The following YAP1 variants were observed in gnomAD, a reference collection of about 807,000 sequenced individuals.
YAP1 encodes Yes1 associated transcriptional regulator.
A neutral mutation model predicts 56.9 loss-of-function variants in YAP1; 5 were observed. That is an observed-to-expected ratio of 0.09 (90% CI 0.05 to 0.18). The LOEUF (loss-of-function observed/expected upper bound fraction) is 0.18. Among genes scored for constraint, YAP1 ranks in the 10% least tolerant of loss-of-function variants. The pLI is 1.00. For missense variants in YAP1, 539 were observed against 651.8 expected (o/e 0.83, Z 1.88); for synonymous variants, 265 against 248.1 (o/e 1.07, Z -0.64).
intron 2 of YAP1, among the ~76,000 whole-genome samples, chr11:102,151,591 T>C (rs964335794): frequency 1.3e-5 from 2 of 152,248 alleles, no homozygotes; most frequent in African/African-American, 4.8e-5. Context: ...TGTATCTTTA[T>C]GGATCTTTCC....
chr11:102,139,375 TG>T (rs1944871806), intron 2 of YAP1, among the ~76,000 whole-genome samples: 1 of 152,164 alleles, frequency 6.6e-6, no homozygotes. Context: ...GCAAAGTTGC[TG>T]AGCAAGTCCG....
chr11:102,219,413 G>A (rs1057244687), intron 6 of YAP1, among the ~76,000 whole-genome samples: 4 of 152,094 alleles, frequency 2.6e-5, no homozygotes, highest in Non-Finnish European at 4.4e-5. Context: ...TCTCAAGATC[G>A]AGATGGGATC....
chr11:102,167,780 A>G (rs1431206002), intron 3 of YAP1, among the ~76,000 whole-genome samples: 3 of 152,110 alleles, frequency 2.0e-5, no homozygotes, highest in Non-Finnish European at 4.4e-5. Context: ...GTTCATGCCT[A>G]TAATCCGAGC....
rs372083709 is a variant in YAP1, at chr11:102,174,116, G to A, written c.688+11545G>A. ...TGCTGGTTAAAGGAGTGCACAAATA[G>A]AATACTGTTGAATGGCTTAAACTTA... is the stretch of plus-strand genomic sequence containing the variant. On this transcript the variant is annotated intron_variant, in intron 3 of 8. Transcript: ENST00000282441. 2.6e-5 allele frequency among the ~76,000 whole-genome samples: 4 copies of A among 152,260 alleles called. No individual in the cohort carries two copies. In the East Asian group the frequency reaches 7.7e-4, roughly 29 times the overall value.
At chr11:102,206,649 C>T (rs1422944139) in intron 5 of YAP1, among the ~76,000 whole-genome samples, 1 of 152,124 alleles carries the variant, frequency 6.6e-6, no homozygotes, top group African/African-American at 2.4e-5. Context: ...TCAAGACAAG[C>T]CTGGCCAACT....
chr11:102,136,789 C>A (rs1399186686), intron 2 of YAP1, among the ~76,000 whole-genome samples: 2 of 152,146 alleles, frequency 1.3e-5, no homozygotes, highest in East Asian at 3.9e-4. Flanking sequence ...AAGTTCACTC[C>A]TCACTGATTA....
chr11:102,170,487 C>G (rs1946840928), intron 3 of YAP1, among the ~76,000 whole-genome samples: 1 of 151,990 alleles, frequency 6.6e-6, no homozygotes, highest in Non-Finnish European at 1.5e-5. Context: ...GTAATTCTTT[C>G]CTGTCCTCTT....
intron 2 of YAP1, among the ~76,000 whole-genome samples, chr11:102,116,336 T>C (rs1454135686): frequency 3.3e-5 from 5 of 152,206 alleles, no homozygotes; most frequent in Non-Finnish European, 5.9e-5. Flanking sequence ...TATGCAAATA[T>C]TATGCCACCT....
At position 102,140,531 on chromosome 11, in the gene YAP1, A is replaced by G. The variant is rs114091675; in HGVS notation, c.573-21925A>G. 6.2e-3 allele frequency among the ~76,000 whole-genome samples: 937 copies of G among 152,308 alleles called. 10 individuals carry two copies. The highest frequency in any genetic ancestry group is 0.022 in the African/African-American group (895 of 41,566). ...ACAGTGTCATTAAAGGATGTCCCCCAGATTACTAGGCCTTTTAAAAATGAC... is the reference window on the plus strand; with the variant it reads ...ACAGTGTCATTAAAGGATGTCCCCCGGATTACTAGGCCTTTTAAAAATGAC... On this transcript the variant is annotated intron_variant, in intron 2 of 8. Transcript: ENST00000282441.
chr11:102,227,659 A>C lies in YAP1; in HGVS notation c.1276+78A>C. ...TCACCAGGTCTCATAAGGTATTGTA[A>C]GCAAAGATGATTCAGAAGAAAACCA... On this transcript the variant is annotated intron_variant, in intron 8 of 8. Coordinates refer to ENST00000282441, the MANE Select transcript of YAP1 (RefSeq NM_001130145.3). 3.1e-6 allele frequency: 3 copies of C among 952,626 alleles called. No homozygotes were observed. The Admixed American group carries it at 6.3e-5, about 20-fold the overall frequency. 59.0% of individuals were successfully genotyped at this position (952,626 alleles called of 1,614,324 possible).
At chr11:102,199,471 G>A (rs961719409) in intron 4 of YAP1, among the ~76,000 whole-genome samples, 12 of 152,026 alleles carry the variant, frequency 7.9e-5, no homozygotes, top group African/African-American at 2.9e-4. Context: ...TAACCTATAA[G>A]GATGAAAGTT....
intron 2 of YAP1, among the ~76,000 whole-genome samples, chr11:102,132,597 TG>T (rs1418410310): frequency 6.6e-6 from 1 of 152,242 alleles, no homozygotes; most frequent in Non-Finnish European, 1.5e-5. Flanking sequence ...GTTTTGATGT[TG>T]GCACCTGTTT....
rs566869046 is a variant in YAP1, at chr11:102,225,306, C to T, written c.1163+1554C>T. On this transcript the variant is annotated intron_variant, in intron 7 of 8. Coordinates refer to ENST00000282441, the MANE Select transcript of YAP1 (RefSeq NM_001130145.3). ...TTCGAGACCAGCCTGACCAACATGG[C>T]GAAACCCCATCTTTACTAAAAATAC... Among the ~76,000 whole-genome samples the T allele has an allele frequency of 1.9e-3, 282 of 152,070 alleles. 9 individuals carry two copies. The South Asian group carries it at 0.055, about 29-fold the overall frequency.
At position 102,206,050 on chromosome 11, in the gene YAP1, G is replaced by A. The variant is rs1949105192; in HGVS notation, c.960G>A (p.Leu320=). ...AGATGGAGAAGGAGAGGCTGCGGCT[G>A]AAACAGCAAGAACTGCTTCGGCAGG... is the stretch of plus-strand genomic sequence containing the variant. ...QLQMEKERLR[L]KQQELLRQAM... Residue 320 remains leucine (L), a synonymous_variant, in exon 5 of 9, where the codon CTG becomes CTA. Coordinates refer to ENST00000282441, the MANE Select transcript of YAP1 (RefSeq NM_001130145.3). 1.2e-5 allele frequency: 19 copies of A among 1,613,686 alleles called. No individual in the cohort carries two copies. Among genetic ancestry groups the A allele is most frequent in the Non-Finnish European group, 1.5e-5 (18 of 1,179,828 alleles).
In YAP1 at chr11:102,185,779, ATT is replaced by A. The variant is rs559008098; in HGVS notation, c.689-232_689-231del. Among the ~76,000 whole-genome samples, 708 of 151,596 alleles carry A rather than the reference ATT, an allele frequency of 4.7e-3. 5 individuals carry two copies. Among genetic ancestry groups the A allele is most frequent in the African/African-American group, 0.016 (677 of 41,318 alleles). On this transcript the variant is annotated intron_variant, in intron 3 of 8. Transcript: ENST00000282441. ...TTCCAAAAGGATTTTTTGGAAAAAA[ATT>A]TTTTTTCTTCATCTCTGTGTTGAGG...
chr11:102,216,531 T>G (rs1022872275), intron 6 of YAP1, among the ~76,000 whole-genome samples: 3 of 152,204 alleles, frequency 2.0e-5, no homozygotes, highest in Non-Finnish European at 4.4e-5. Flanking sequence ...TCAGTGAATA[T>G]CAACATTATT....
At chr11:102,185,263 C>A (rs1947885382) in intron 3 of YAP1, among the ~76,000 whole-genome samples, 1 of 152,190 alleles carries the variant, frequency 6.6e-6, no homozygotes, top group Non-Finnish European at 1.5e-5. Context: ...ATTGTCTTGA[C>A]TTCTCTATTC....
chr11:102,197,848 C>T (rs1251198839), intron 4 of YAP1, among the ~76,000 whole-genome samples: 4 of 152,172 alleles, frequency 2.6e-5, no homozygotes, highest in Non-Finnish European at 5.9e-5. Context: ...GCCCTGCCCC[C>T]TTTCCCCAGG....
chr11:102,148,349 A>G (rs188049543), intron 2 of YAP1, among the ~76,000 whole-genome samples: 1 of 152,174 alleles, frequency 6.6e-6, no homozygotes, highest in Non-Finnish European at 1.5e-5. Flanking sequence ...CATTTATGAC[A>G]CTTGTGTTTC....
Sources: gnomAD v4.1 joint callset for allele counts (sites outside exome capture counted in the v4.1 genomes callset) on GRCh38, gnomAD v4.1.1 for gene constraint, MANE v1.5 for transcripts, NCBI Gene and HGNC (gene_info 2026-07-23, HGNC 2026-07-21) for gene names.